The following M6PR variants were observed in gnomAD, a reference collection of about 807,000 sequenced individuals.
The protein encoded by M6PR is cation-dependent mannose-6-phosphate receptor.
Under a neutral mutation model 33.1 loss-of-function variants are expected in M6PR, and 19 were observed. The observed-to-expected ratio is 0.57, with a 90% CI of 0.40 to 0.84. The LOEUF (loss-of-function observed/expected upper bound fraction) is 0.84. Ranked by LOEUF, M6PR falls within the 40% of genes least tolerant of loss-of-function variation. The pLI, the probability that M6PR is intolerant of heterozygous loss-of-function variation, is 0.00. For synonymous variants in M6PR, 111 were observed against 123.4 expected (o/e 0.90, Z 0.67); for missense variants, 295 against 336.0 (o/e 0.88, Z 0.95).
intron 1 of M6PR, 73 bp from the exon 2 acceptor site, chr12:8,946,478 T>C: frequency 8.5e-7 from 1 of 1,178,482 alleles, no homozygotes; most frequent in South Asian, 1.3e-5. Context: ...AGCGTATGAA[T>C]GTGTAATAAA....
chr12:8,946,470 C>G (rs879059014), intron 1 of M6PR, 65 bp from the exon 2 acceptor site: 2 of 1,248,186 alleles, frequency 1.6e-6, no homozygotes, highest in Non-Finnish European at 2.3e-6. Flanking sequence ...AGAGATAAAG[C>G]GTATGAATGT....
At chr12:8,946,995 C>T (rs1269354184) in intron 1 of M6PR, 1 of 152,226 alleles carries the variant, frequency 6.6e-6, no homozygotes, top group East Asian at 1.9e-4. Flanking sequence ...AAAAACCCCA[C>T]CAAAACCTAA....
chr12:8,942,182 G>C (rs879356258), intron 6 of M6PR: 1 of 678,862 alleles, frequency 1.5e-6, no homozygotes, highest in African/African-American at 1.8e-5. Flanking sequence ...ATTTAGAAGA[G>C]CCCATCTGGT....
In M6PR at chr12:8,949,394, T is replaced by C. The variant is rs1031377617; in HGVS notation, c.-2+94A>G. On this transcript the variant is annotated intron_variant, in intron 1 of 6. Coordinates refer to ENST00000000412, the MANE Select transcript of M6PR (RefSeq NM_002355.4). The surrounding 1 kb of genome is among the most constrained non-coding windows in gnomAD (Gnocchi z 5.6). ...TCAGCCAGATCTTTGGCTAGAACCATGGTCAAGGGAGAATGCGATTCCGGC... is the reference window on the plus strand; with the variant it reads ...TCAGCCAGATCTTTGGCTAGAACCACGGTCAAGGGAGAATGCGATTCCGGC... The C allele has an allele frequency of 2.6e-5, 4 of 151,986 alleles. No individual in the cohort carries two copies. Among genetic ancestry groups the C allele is most frequent in the Non-Finnish European group, 1.5e-5 (1 of 68,058 alleles). The allele number at this position is 151,986 out of a possible 1,614,324, so 9.4% of individuals were successfully genotyped here.
intron 1 of M6PR, 186 bp from the exon 2 acceptor site, chr12:8,946,591 T>G: frequency 1.9e-6 from 1 of 517,162 alleles, no homozygotes. Context: ...AGCAGAAAAT[T>G]CATTTATATG....
At chr12:8,945,198 CA>C (rs1463434577) in intron 3 of M6PR, 2 of 471,644 alleles carry the variant, frequency 4.2e-6, no homozygotes, top group East Asian at 7.5e-5. Flanking sequence ...CTTCATTTTG[CA>C]TAAGTTTTTC....
intron 1 of M6PR, among the ~76,000 whole-genome samples, chr12:8,948,002 A>G (rs1421273540): frequency 1.3e-5 from 2 of 151,774 alleles, no homozygotes; most frequent in African/African-American, 4.8e-5. Flanking sequence ...GAAATAGGAG[A>G]CTCCTTCTTC....
intron 4 of M6PR, 36 bp downstream of exon 4, chr12:8,943,764 TC>T: frequency 1.3e-6 from 2 of 1,566,858 alleles, no homozygotes; most frequent in Non-Finnish European, 1.8e-6. Context: ...GTCCTTTCAG[TC>T]TCCTCCCTCG....
intron 5 of M6PR, 22 bp downstream of exon 5, chr12:8,943,383 T>C: frequency 6.2e-7 from 1 of 1,614,002 alleles, no homozygotes; most frequent in South Asian, 1.1e-5. Flanking sequence ...AGGTCTGTTC[T>C]GATAAAGGAA....
chr12:8,945,645 C>T, intron 2 of M6PR, 61 bp from the exon 3 acceptor site: 1 of 1,382,212 alleles, frequency 7.2e-7, no homozygotes, highest in East Asian at 2.3e-5. Flanking sequence ...TCAGGAATAA[C>T]AGCATCCCTT....
intron 5 of M6PR, among the ~76,000 whole-genome samples, chr12:8,943,041 C>G (rs1000813117): frequency 1.3e-5 from 2 of 151,766 alleles, no homozygotes; most frequent in Non-Finnish European, 2.9e-5. Flanking sequence ...GCAACCTCCA[C>G]CTCCCAGGTT....
chr12:8,946,672 A>G, intron 1 of M6PR: 1 of 312,848 alleles, frequency 3.2e-6, no homozygotes. Context: ...GAAATGAAAG[A>G]ACTTAAAAAA....
intron 3 of M6PR, among the ~76,000 whole-genome samples, chr12:8,944,288 A>G (rs749736491): frequency 9.2e-5 from 14 of 152,342 alleles, no homozygotes; most frequent in South Asian, 2.1e-4. Flanking sequence ...TAAGATTTCA[A>G]CTTAGCCCCA....
chr12:8,945,064 T>G (rs895150581), intron 3 of M6PR, among the ~76,000 whole-genome samples: 1 of 152,182 alleles, frequency 6.6e-6, no homozygotes, highest in African/African-American at 2.4e-5. Flanking sequence ...AGGCTGAGGC[T>G]GGAGAATCGC....
At chr12:8,946,112 T>G (rs559557209) in intron 2 of M6PR, 117 bp downstream of exon 2, 29 of 1,002,884 alleles carry the variant, frequency 2.9e-5, no homozygotes, top group Non-Finnish European at 4.2e-5. Context: ...AACTAAAAAC[T>G]GGGCTGAGAA....
At chr12:8,943,591 A>C in intron 4 of M6PR, 56 bp from the exon 5 acceptor site, 1 of 1,608,916 alleles carries the variant, frequency 6.2e-7, no homozygotes, top group Non-Finnish European at 8.5e-7. Flanking sequence ...ACTCCTGTCC[A>C]ACAAAATAAA....
At chr12:8,945,393 A>G in intron 3 of M6PR, 25 bp downstream of exon 3, 1 of 1,612,946 alleles carries the variant, frequency 6.2e-7, no homozygotes, top group South Asian at 1.1e-5. Flanking sequence ...TAGTCAATCG[A>G]TGGTAGGAAG....
chr12:8,941,893 T>C lies in M6PR; in HGVS notation c.759A>G (p.Ala253=), dbSNP rs748087382. Residue 253 remains alanine, a synonymous_variant, in exon 7 of 7, where the codon GCA becomes GCG. Coordinates refer to ENST00000000412, the MANE Select transcript of M6PR (RefSeq NM_002355.4). ...VCRSKPRNVP[A]AYRGVGDDQL... is the part of the protein sequence containing the mutation. ...GGTCATCCCCCACACCACGATATGC[T>C]GCAGGCACATTTCGAGGTTTAGAAC... 9.9e-6 allele frequency: 16 copies of C among 1,614,096 alleles called. No homozygotes were observed. The East Asian group carries it at 3.6e-4, about 36-fold the overall frequency.
chr12:8,945,766 A>G (rs1431009037), intron 2 of M6PR, among the ~76,000 whole-genome samples, 182 bp from the exon 3 acceptor site: 1 of 152,152 alleles, frequency 6.6e-6, no homozygotes, highest in African/African-American at 2.4e-5. Flanking sequence ...GACCATCCTT[A>G]TTGCTGATGA....
Sources: gnomAD v4.1 joint callset for allele counts (sites outside exome capture counted in the v4.1 genomes callset) on GRCh38, gnomAD v4.1.1 for gene constraint, Gnocchi (gnomAD v3.1) non-coding constraint, MANE v1.5 for transcripts, NCBI Gene and HGNC (gene_info 2026-07-23, HGNC 2026-07-21) for gene names.